AFF3: variants seen among roughly 807,000 people sequenced by gnomAD.
The protein encoded by AFF3 is AF4/FMR2 family member 3.
A neutral mutation model predicts 129.7 loss-of-function variants in AFF3; 32 were observed. The observed-to-expected ratio is 0.25, with a 90% confidence interval of 0.19 to 0.33. AFF3 has a LOEUF of 0.33. Among genes scored for constraint, AFF3 ranks in the 10% least tolerant of loss-of-function variants. AFF3 has a pLI of 1.00. For missense variants in AFF3, 1,373 were observed against 1,592.0 expected (o/e 0.86, Z 2.34); for synonymous variants, 644 against 635.4 (o/e 1.01, Z -0.20).
intron 8 of AFF3, among the ~76,000 whole-genome samples, chr2:99,826,226 G>C (rs1688069434): frequency 6.6e-6 from 1 of 152,050 alleles, no homozygotes; most frequent in Non-Finnish European, 1.5e-5. Flanking sequence ...TGTTGGCCAG[G>C]CTGGTCTCGA....
At chr2:100,075,340 CGT>C (rs1179399550) in intron 4 of AFF3, among the ~76,000 whole-genome samples, 6 of 152,074 alleles carry the variant, frequency 3.9e-5, no homozygotes, top group Non-Finnish European at 7.4e-5. Flanking sequence ...AACCACAGCT[CGT>C]GTTTGGGGCA....
chr2:100,133,151 A>G (rs1245468821), intron 1 of AFF3, among the ~76,000 whole-genome samples: 1 of 151,704 alleles, frequency 6.6e-6, no homozygotes, highest in East Asian at 2.0e-4. Flanking sequence ...CTGTAATCTC[A>G]GCACTTTAGG....
At chr2:99,790,372 C>T (rs1397116520) in intron 8 of AFF3, among the ~76,000 whole-genome samples, 1 of 152,188 alleles carries the variant, frequency 6.6e-6, no homozygotes, top group Admixed American at 6.5e-5. Context: ...TACAATGGGC[C>T]TAAGGCTTTG....
chr2:99,658,553 T>C (rs1234363721), intron 12 of AFF3, among the ~76,000 whole-genome samples: 1 of 152,214 alleles, frequency 6.6e-6, no homozygotes, highest in East Asian at 1.9e-4. Context: ...TTTCACCACG[T>C]TGGCCAGGCT....
chr2:99,706,489 C>G (rs904745117), intron 11 of AFF3, among the ~76,000 whole-genome samples: 1 of 152,160 alleles, frequency 6.6e-6, no homozygotes, highest in Non-Finnish European at 1.5e-5. Flanking sequence ...CATCTCTGGC[C>G]CTCTGGAAAG....
chr2:100,105,343 G>T, intron 3 of AFF3, 161 bp downstream of exon 3: 1 of 1,231,748 alleles, frequency 8.1e-7, no homozygotes, highest in South Asian at 1.4e-5. Flanking sequence ...ACCGTTTAAG[G>T]TCTCTGGAGC....
chr2:99,571,647 G>A (rs1047282989), intron 18 of AFF3, among the ~76,000 whole-genome samples: 2 of 152,152 alleles, frequency 1.3e-5, no homozygotes. Context: ...GCCACTTAAC[G>A]AACACATTTG....
chr2:99,958,736 A>C (rs1456180006), intron 7 of AFF3, among the ~76,000 whole-genome samples: 1 of 152,068 alleles, frequency 6.6e-6, no homozygotes, highest in Non-Finnish European at 1.5e-5. Flanking sequence ...GGTGGAAAAG[A>C]CCACGTTTCA....
chr2:100,069,768 A>G (rs1490153064), intron 4 of AFF3, among the ~76,000 whole-genome samples: 1 of 152,096 alleles, frequency 6.6e-6, no homozygotes, highest in Non-Finnish European at 1.5e-5. Context: ...AAATTAATGT[A>G]TCATCAACAC....
At chr2:99,709,489 C>T (rs1243375324) in intron 11 of AFF3, among the ~76,000 whole-genome samples, 1 of 152,162 alleles carries the variant, frequency 6.6e-6, no homozygotes, top group East Asian at 1.9e-4. Context: ...CTCACCAAGT[C>T]AGAGAATGTC....
chr2:99,873,423 A>G (rs529110113), intron 7 of AFF3, among the ~76,000 whole-genome samples: 76 of 152,322 alleles, frequency 5.0e-4, no homozygotes, highest in African/African-American at 1.8e-3. Flanking sequence ...TATTATGAAG[A>G]TAGTTTTGAT....
intron 2 of AFF3, among the ~76,000 whole-genome samples, chr2:100,125,359 T>G (rs956453953): frequency 6.6e-6 from 1 of 151,354 alleles, no homozygotes; most frequent in Non-Finnish European, 1.5e-5. Context: ...TAAAAAAAAA[T>G]AGAGGTATAA....
At chr2:99,608,697 T>C (rs1212143375) in intron 13 of AFF3, among the ~76,000 whole-genome samples, 1 of 152,188 alleles carries the variant, frequency 6.6e-6, no homozygotes, top group Non-Finnish European at 1.5e-5. Context: ...GGCTAGCCTA[T>C]CTCTGTACCT....
At position 99,545,637 on chromosome 2, in the gene AFF3, C is replaced by T. The variant is rs112972367; in HGVS notation, c.*5837G>A. The T allele has an allele frequency of 4.2e-3, 658 of 156,614 alleles. 5 individuals are homozygous for T. The highest frequency in any genetic ancestry group is 0.013 in the African/African-American group (548 of 41,684). The allele number at this position is 156,614 out of a possible 1,614,324, so 9.7% of individuals were successfully genotyped here. A position where few individuals can be genotyped will look rare whatever the true frequency, so the allele number is the denominator to read the frequency against. On this transcript the variant is annotated 3_prime_UTR_variant, in exon 25 of 25. Coordinates refer to ENST00000672756, the MANE Select transcript of AFF3 (RefSeq NM_001386135.1). ...TTCAACACAAATGCTGACCCTTGTA[C>T]TGACTGGCAATTAGTGCCCTGAATT...
At chr2:99,992,674 A>C (rs1477574694) in intron 7 of AFF3, among the ~76,000 whole-genome samples, 4 of 151,844 alleles carry the variant, frequency 2.6e-5, no homozygotes, top group Non-Finnish European at 5.9e-5. Flanking sequence ...GCAATTCCAC[A>C]ACTAACTACT....
chr2:99,553,246 C>T (rs1559467360), intron 24 of AFF3, among the ~76,000 whole-genome samples: 1 of 152,196 alleles, frequency 6.6e-6, no homozygotes, highest in Non-Finnish European at 1.5e-5. Flanking sequence ...ATGCCAGCTC[C>T]TCTAGCAAGC....
At chr2:99,794,504 G>A (rs900392697) in intron 8 of AFF3, among the ~76,000 whole-genome samples, 1 of 151,968 alleles carries the variant, frequency 6.6e-6, no homozygotes, top group African/African-American at 2.4e-5. Context: ...TGAGTTCTGG[G>A]GATTGTTCAT....
At chr2:99,820,456 G>A (rs1687569682) in intron 8 of AFF3, among the ~76,000 whole-genome samples, 1 of 152,072 alleles carries the variant, frequency 6.6e-6, no homozygotes, top group Non-Finnish European at 1.5e-5. Context: ...AAGGTGCTCT[G>A]GGTGAGTCAG....
rs1433762559 is a variant in AFF3 at position 99,786,287 on chromosome 2, T to C, written c.922-33986A>G. Among the ~76,000 whole-genome samples, 7 of 152,306 alleles carry C rather than the reference T, an allele frequency of 4.6e-5. No individual in the cohort carries two copies. The East Asian group carries it at 1.3e-3, about 29-fold the overall frequency. On this transcript the variant is annotated intron_variant, in intron 8 of 24. Transcript: ENST00000672756. ...GGGACTGGAGATTGATAACGGTATT[T>C]GACTCATGAGGCCAATGTGAGGCTC...
Sources: allele counts gnomAD v4.1 joint callset (sites outside exome capture counted in the v4.1 genomes callset), GRCh38; gene constraint gnomAD v4.1.1; transcripts MANE v1.5; gene names NCBI Gene and HGNC (gene_info 2026-07-23, HGNC 2026-07-21).